GBP3: variants seen among roughly 807,000 people sequenced by gnomAD.
GBP3 encodes guanylate-binding protein 3.
In GBP3, 55 loss-of-function variants were observed where a neutral mutation model predicts 62.4. The observed-to-expected ratio is 0.88, with a 90% CI of 0.71 to 1.10. The LOEUF is 1.10. Ranked by LOEUF, GBP3 falls within the 50% of genes least tolerant of loss-of-function variation. The pLI, the probability that GBP3 is intolerant of heterozygous loss-of-function variation, is 0.00. For synonymous variants in GBP3, 208 were observed against 259.2 expected (o/e 0.80, Z 1.90); for missense variants, 605 against 690.6 (o/e 0.88, Z 1.39).
At position 89,020,601 on chromosome 1, in the gene GBP3, C is replaced by G; in HGVS notation, c.121G>C (p.Val41Leu). 6.2e-7 allele frequency: 1 copy of G among 1,614,176 alleles called. No homozygotes were observed. ...GTGCGGTAGAGGCCCACAATTGCCA[C>G]CACCACCACAGGCTGTGTAATGGCA... ...LSAITQPVVVVAIVGLYRTGK... is the reference protein window; with the variant it reads ...LSAITQPVVVLAIVGLYRTGK... Residue 41 changes from valine (V) to leucine (L), a missense_variant, in exon 2 of 11, where the codon GTG (valine) becomes CTG (leucine). Val to Leu is a conservative substitution (Grantham distance 32). This residue lies in a region of GBP3 where 308 missense variants were observed against 318.0 expected (regional missense o/e 0.97). Coordinates refer to ENST00000370481, the MANE Select transcript of GBP3 (RefSeq NM_018284.3).
chr1:89,022,052 C>CA (rs36032331), intron 1 of GBP3, among the ~76,000 whole-genome samples: 10,945 of 140,616 alleles, frequency 0.078, 1,347 homozygotes, highest in African/African-American at 0.27. Context: ...CTCTCTCTCT[C>CA]AAAAAAAAAA....
chr1:89,011,807 A>G lies in GBP3; in HGVS notation c.1089T>C (p.Thr363=), dbSNP rs1165617230. 1.4e-6 allele frequency: 2 copies of G among 1,462,312 alleles called. No homozygotes were observed. Among genetic ancestry groups the G allele is most frequent in the African/African-American group, 2.7e-5 (2 of 73,870 alleles). The allele number at this position is 1,462,312 out of a possible 1,614,324, so 90.6% of individuals were successfully genotyped here. A position where few individuals can be genotyped will look rare whatever the true frequency, so the allele number is the denominator to read the frequency against. ...TGAAAGAGTTCTTCATATAGACTTC[A>G]GTGGCCTCCCTCTCACTAACCCTGT... ...DLHRVSEREA[T]EVYMKNSFKD... Residue 363 remains threonine, a synonymous_variant, in exon 7 of 11, where the codon ACT becomes ACC. Coordinates refer to ENST00000370481, the MANE Select transcript of GBP3 (RefSeq NM_018284.3).
intron 8 of GBP3, among the ~76,000 whole-genome samples, chr1:89,009,764 C>T (rs1363465501): frequency 6.6e-6 from 1 of 152,140 alleles, no homozygotes; most frequent in East Asian, 1.9e-4. Flanking sequence ...AAATTTGATG[C>T]TGTGGTTCCA....
intron 5 of GBP3, 180 bp downstream of exon 5, chr1:89,013,903 T>C (rs1411340298): frequency 8.4e-6 from 5 of 594,236 alleles, no homozygotes; most frequent in Non-Finnish European, 2.9e-6. Flanking sequence ...CAAGCATTCA[T>C]TCCTTTTTTC....
In GBP3 at chr1:89,014,164, C is replaced by T; in HGVS notation, c.544G>A (p.Asp182Asn). Reference sequence around the variant, plus strand: ...TCTGCTTCCAAGTCCAGGGAGAAATCTCTCAGTGTCCACACAAAATCTGGG... The same window carrying T: ...TCTGCTTCCAAGTCCAGGGAGAAATTTCTCAGTGTCCACACAAAATCTGGG... Reference protein sequence around the residue: ...FFPDFVWTLRDFSLDLEADGQ... With the variant: ...FFPDFVWTLRNFSLDLEADGQ... The change falls in exon 5 of 11, where the codon GAT becomes AAT. Residue 182 changes from aspartate to asparagine, a missense_variant. Coordinates refer to ENST00000370481, the MANE Select transcript of GBP3 (RefSeq NM_018284.3). The T allele has an allele frequency of 6.2e-7, 1 of 1,614,202 alleles. No individual in the cohort carries two copies. The highest frequency in any genetic ancestry group is 8.5e-7 in the Non-Finnish European group (1 of 1,180,026).
rs779383490 is a variant in GBP3 at position 89,020,755 on chromosome 1, G to A, written c.-22-12C>T. On this transcript the variant is annotated splice_polypyrimidine_tract_variant and intron_variant, in intron 1 of 10. Transcript: ENST00000370481. ...CATTGTTCTCTTGTCTGCAAGGGAA[G>A]AGTTGGAATGAATTAGAATTTCCAG... 4 of 1,595,044 alleles carry A rather than the reference G, an allele frequency of 2.5e-6. No individual in the cohort carries two copies. The South Asian group carries it at 4.5e-5, about 18-fold the overall frequency.
rs1274997432 is a variant in GBP3, at chr1:89,010,989, G to A, written c.1277C>T (p.Ser426Leu). Residue 426 changes from serine to leucine, a missense_variant, in exon 8 of 11, where the codon TCG becomes TTG. By Grantham distance (145) the Ser-to-Leu change is moderately radical. Around this residue, in one of 3 missense-constraint regions of GBP3, gnomAD observed 137 missense variants for 224.7 expected, o/e 0.61. Coordinates refer to ENST00000370481, the MANE Select transcript of GBP3 (RefSeq NM_018284.3). ...AAAGAGACAATAGCCCCCTGGTTTC[G>A]AATAAATTCCCGCCTTCACTTCTTC... Reference protein sequence around the residue: ...LEEEVKAGIYSKPGGYCLFIQ... With the variant: ...LEEEVKAGIYLKPGGYCLFIQ... 4.1e-6 allele frequency: 6 copies of A among 1,461,604 alleles called. 2 individuals carry two copies. Among genetic ancestry groups the A allele is most frequent in the South Asian group, 2.4e-5 (2 of 84,674 alleles). 90.5% of individuals were successfully genotyped at this position (1,461,604 alleles called of 1,614,324 possible). A position where few individuals can be genotyped will look rare whatever the true frequency, so the allele number is the denominator to read the frequency against.
chr1:89,011,684 C>A (rs1346017012), intron 7 of GBP3, 63 bp downstream of exon 7: 1 of 1,418,158 alleles, frequency 7.1e-7, no homozygotes, highest in African/African-American at 1.4e-5. Flanking sequence ...ATACCAATTT[C>A]ATTTCTTAGT....
intron 1 of GBP3, among the ~76,000 whole-genome samples, chr1:89,022,273 G>T (rs150878673): frequency 6.6e-6 from 1 of 152,270 alleles, no homozygotes. Context: ...CTGGTGAAAA[G>T]AACCCATTTG....
rs375499056 is a variant in GBP3, at chr1:89,007,721, T to G, written c.*3A>C. The G allele has an allele frequency of 1.2e-5, 20 of 1,608,306 alleles. No homozygotes were observed. The East Asian group carries it at 3.8e-4, about 30-fold the overall frequency. On this transcript the variant is annotated 3_prime_UTR_variant, in exon 11 of 11. Transcript: ENST00000370481. ...GGTTAGGATGACAGAAAAGCTCTGT[T>G]GTTTAGATCTTTAGCTTATGCGACA...
rs1438747796 is a variant in GBP3 at position 89,012,868 on chromosome 1, T to C, written c.868+317A>G. 4.3e-5 allele frequency among the ~76,000 whole-genome samples: 6 copies of C among 138,258 alleles called. 1 individual carries two copies. The highest frequency in any genetic ancestry group is 3.7e-4 in the Admixed American group (5 of 13,390). The allele number at this position is 138,258 out of a possible 152,430, so 90.7% of individuals were successfully genotyped here. ...CTATGCTCCTTTCATATTTTTTTTTTCCTCTGTCACCCAGGCTGGAGTGCA... is the reference window on the plus strand; with the variant it reads ...CTATGCTCCTTTCATATTTTTTTTTCCCTCTGTCACCCAGGCTGGAGTGCA... On this transcript the variant is annotated intron_variant, in intron 6 of 10. Transcript: ENST00000370481.
At chr1:89,013,809 A>T in intron 5 of GBP3, 2 of 440,254 alleles carry the variant, frequency 4.5e-6, no homozygotes, top group South Asian at 6.7e-5. Flanking sequence ...ATTGTAAAAT[A>T]GGAAAAAATG....
rs1678691003 is a variant in GBP3, at chr1:89,013,365, T to C, written c.688A>G (p.Lys230Glu). The C allele has an allele frequency of 1.2e-6, 2 of 1,614,220 alleles. No individual in the cohort carries two copies. The highest frequency in any genetic ancestry group is 1.7e-6 in the Non-Finnish European group (2 of 1,180,038). ...PRLCIRKFFP[K>E]KKCFVFDLPI... ...AGATCGAAGACAAAACATTTTTTCTTTGGGAAGAACTTCCGGATACAGAGT... is the reference window on the plus strand; with the variant it reads ...AGATCGAAGACAAAACATTTTTTCTCTGGGAAGAACTTCCGGATACAGAGT... Residue 230 changes from lysine to glutamate, a missense_variant, in exon 6 of 11, where the codon AAG (lysine) becomes GAG (glutamate). Lys to Glu is a moderately conservative substitution (Grantham distance 56). This residue lies in a region of GBP3 where 308 missense variants were observed against 318.0 expected (regional missense o/e 0.97). Coordinates refer to ENST00000370481, the MANE Select transcript of GBP3 (RefSeq NM_018284.3).
At chr1:89,022,424 G>C (rs1465482116) in intron 1 of GBP3, among the ~76,000 whole-genome samples, 1 of 152,204 alleles carries the variant, frequency 6.6e-6, no homozygotes, top group African/African-American at 2.4e-5. Flanking sequence ...CAAACTCTCA[G>C]TTTAGTTGCT....
chr1:89,013,408 T>G lies in GBP3; in HGVS notation c.645A>C (p.Lys215Asn). ...TACAGAGTCGGGGCAGATTAAAATTTTTATCTTTTTGACTGGTACCTAGAG... is the reference window on the plus strand; with the variant it reads ...TACAGAGTCGGGGCAGATTAAAATTGTTATCTTTTTGACTGGTACCTAGAG... ...KLTQGTSQKDKNFNLPRLCIR... is the reference protein window; with the variant it reads ...KLTQGTSQKDNNFNLPRLCIR... The change falls in exon 6 of 11, where the codon AAA (lysine) becomes AAC (asparagine). Residue 215 changes from lysine (K) to asparagine (N), a missense_variant. By Grantham distance (94) the Lys-to-Asn change is moderately conservative (BLOSUM62 0). This residue lies in a region of GBP3 where 308 missense variants were observed against 318.0 expected (regional missense o/e 0.97). Coordinates refer to ENST00000370481, the MANE Select transcript of GBP3 (RefSeq NM_018284.3). The G allele has an allele frequency of 6.2e-7, 1 of 1,611,480 alleles. No individual in the cohort carries two copies. The highest frequency in any genetic ancestry group is 8.5e-7 in the Non-Finnish European group (1 of 1,179,264).
chr1:89,011,237 C>T lies in GBP3; in HGVS notation c.1150-121G>A. 2 of 1,251,900 alleles carry T rather than the reference C, an allele frequency of 1.6e-6. 1 individual carries two copies. Among genetic ancestry groups the T allele is most frequent in the South Asian group, 2.7e-5 (2 of 75,382 alleles). 77.5% of individuals were successfully genotyped at this position (1,251,900 alleles called of 1,614,324 possible). ...ATGATGCCGGAGAAACTGACAGACT[C>T]CTCAGCAGGACCACGCTCTTACTCC... On this transcript the variant is annotated intron_variant, in intron 7 of 10. Transcript: ENST00000370481.
At chr1:89,018,178 C>T (rs896339247) in intron 2 of GBP3, among the ~76,000 whole-genome samples, 1 of 152,144 alleles carries the variant, frequency 6.6e-6, no homozygotes, top group Non-Finnish European at 1.5e-5. Flanking sequence ...TACAAAATTG[C>T]ATGCAGGATT....
intron 2 of GBP3, among the ~76,000 whole-genome samples, chr1:89,019,668 T>C (rs1679077446): frequency 1.3e-5 from 2 of 152,128 alleles, no homozygotes; most frequent in Admixed American, 1.3e-4. Flanking sequence ...AAAGGACAAA[T>C]ATTGAATGAC....
At chr1:89,013,460 A>G (rs762633339) in intron 5 of GBP3, 33 bp from the exon 6 acceptor site, 10 of 1,582,372 alleles carry the variant, frequency 6.3e-6, no homozygotes, top group Non-Finnish European at 8.6e-6. Context: ...TTTGCCTAAT[A>G]TAAGTGTTTC....
Sources: gnomAD v4.1 joint callset for allele counts (sites outside exome capture counted in the v4.1 genomes callset) on GRCh38, gnomAD v4.1.1 for gene constraint, gnomAD v4.1.1 regional missense constraint, MANE v1.5 for transcripts, NCBI Gene and HGNC (gene_info 2026-07-23, HGNC 2026-07-21) for gene names.